The following SLC18A1 variants were observed in gnomAD, a reference collection of about 807,000 sequenced individuals.
The protein encoded by SLC18A1 is solute carrier family 18 member A1.
SLC18A1 carries 69 observed loss-of-function variants against 53.7 expected under a neutral mutation model. The observed-to-expected ratio is 1.28, with a 90% CI of 1.06 to 1.57. The LOEUF is 1.57. Ranked by LOEUF, SLC18A1 falls within the 40% of genes most tolerant of loss-of-function variation. The pLI, the probability that SLC18A1 is intolerant of heterozygous loss-of-function variation, is 0.00. For missense variants in SLC18A1, 932 were observed against 668.1 expected (o/e 1.40, Z -4.35); for synonymous variants, 320 against 248.1 (o/e 1.29, Z -2.72).
rs771437342 is a variant in SLC18A1 at position 20,179,464 on chromosome 8, G to C, written c.145C>G (p.Leu49Val). The C allele has an allele frequency of 6.2e-7, 1 of 1,611,936 alleles. No individual in the cohort carries two copies. Among genetic ancestry groups the C allele is most frequent in the Admixed American group, 1.7e-5 (1 of 59,990 alleles). Residue 49 changes from leucine to valine, a missense_variant, in exon 3 of 16, where the codon CTA becomes GTA. By Grantham distance (32) the Leu-to-Val change is conservative. Coordinates refer to ENST00000276373, the MANE Select transcript of SLC18A1 (RefSeq NM_003053.4). ...TVVVPIVPTF[L>V]YDMEFKEVNS... ...ACTTCTTTGAACTCCATGTCATATA[G>C]GAAGGTGGGCACAATTGGCACTGAA...
intron 10 of SLC18A1, 74 bp downstream of exon 10, chr8:20,164,795 G>A: frequency 1.8e-6 from 2 of 1,109,746 alleles, no homozygotes; most frequent in Non-Finnish European, 2.6e-6. Flanking sequence ...GTCCCTGTGT[G>A]ACATTGAACG....
intron 3 of SLC18A1, 117 bp downstream of exon 3, chr8:20,179,004 C>T: frequency 8.0e-7 from 1 of 1,253,974 alleles, no homozygotes; most frequent in Non-Finnish European, 1.1e-6. Flanking sequence ...ATAGCTGACT[C>T]CCCTGAGGAA....
At position 20,178,483 on chromosome 8, in the gene SLC18A1, G is replaced by T. The variant is rs146326078; in HGVS notation, c.499C>A (p.His167Asn). ...ACAAAGCCAGCAAACATGGGGATAT[G>T]ATATCCAATCCTAAAAGGGAATTGA... ...VGPLTNRIGY[H>N]IPMFAGFVIM... Residue 167 changes from histidine to asparagine, a missense_variant, in exon 4 of 16, where the codon CAT becomes AAT. Coordinates refer to ENST00000276373, the MANE Select transcript of SLC18A1 (RefSeq NM_003053.4). 2 of 1,603,176 alleles carry T rather than the reference G, an allele frequency of 1.2e-6. No homozygotes were observed. Among genetic ancestry groups the T allele is most frequent in the Non-Finnish European group, 1.7e-6 (2 of 1,173,862 alleles).
chr8:20,148,576 G>T (rs2071465644), intron 12 of SLC18A1: 4 of 785,490 alleles, frequency 5.1e-6, no homozygotes, highest in Non-Finnish European at 7.6e-6. Flanking sequence ...AAGCTAGAGG[G>T]GGCAGGTGGT....
At chr8:20,172,778 G>C (rs557733696) in intron 6 of SLC18A1, among the ~76,000 whole-genome samples, 2 of 152,318 alleles carry the variant, frequency 1.3e-5, no homozygotes, top group East Asian at 3.9e-4. Flanking sequence ...TGGGAACCGA[G>C]GCGAAGCAGT....
At chr8:20,154,126 A>G (rs2071625960) in intron 10 of SLC18A1, among the ~76,000 whole-genome samples, 1 of 152,208 alleles carries the variant, frequency 6.6e-6, no homozygotes, top group African/African-American at 2.4e-5. Flanking sequence ...AGCATGTAGA[A>G]CCATAAGCCA....
At chr8:20,157,228 G>A (rs966743124) in intron 10 of SLC18A1, among the ~76,000 whole-genome samples, 6 of 152,096 alleles carry the variant, frequency 3.9e-5, no homozygotes, top group African/African-American at 1.2e-4. Flanking sequence ...AGGCAAAAAC[G>A]CCCCTAAGAT....
intron 10 of SLC18A1, among the ~76,000 whole-genome samples, chr8:20,156,129 T>A (rs1312294346): frequency 1.3e-5 from 2 of 152,138 alleles, no homozygotes; most frequent in Admixed American, 1.3e-4. Flanking sequence ...TTGAGTAAAT[T>A]AAAGGGATGC....
At chr8:20,182,770 A>G (rs937278868) in intron 1 of SLC18A1, among the ~76,000 whole-genome samples, 4 of 152,252 alleles carry the variant, frequency 2.6e-5, no homozygotes, top group African/African-American at 9.6e-5. Flanking sequence ...GCATGCAATT[A>G]CTTAAGATCC....
chr8:20,152,301 G>T (rs569311601), intron 10 of SLC18A1, among the ~76,000 whole-genome samples: 1 of 152,318 alleles, frequency 6.6e-6, no homozygotes, highest in East Asian at 1.9e-4. Context: ...GCTTTGGAAG[G>T]AAATGACATA....
chr8:20,177,229 A>G (rs1220704597), intron 4 of SLC18A1, among the ~76,000 whole-genome samples: 1 of 152,246 alleles, frequency 6.6e-6, no homozygotes, highest in Non-Finnish European at 1.5e-5. Flanking sequence ...CGTAGTTCTC[A>G]GAGACAACCT....
chr8:20,161,079 C>T (rs1033202806), intron 10 of SLC18A1, among the ~76,000 whole-genome samples: 1 of 152,168 alleles, frequency 6.6e-6, no homozygotes, highest in African/African-American at 2.4e-5. Flanking sequence ...TACCCCCGGC[C>T]TCCAAAATTC....
At chr8:20,166,078 A>C (rs372146420) in intron 8 of SLC18A1, among the ~76,000 whole-genome samples, 16 of 152,096 alleles carry the variant, frequency 1.1e-4, no homozygotes, top group African/African-American at 3.9e-4. Context: ...TATACATTTA[A>C]AAGTACAATA....
intron 10 of SLC18A1, among the ~76,000 whole-genome samples, chr8:20,164,149 G>T (rs1211205282): frequency 6.6e-6 from 1 of 152,046 alleles, no homozygotes; most frequent in Non-Finnish European, 1.5e-5. Context: ...CTCTGGCCCC[G>T]TAAGCCTCTC....
At chr8:20,181,353 G>C (rs897198742) in intron 1 of SLC18A1, among the ~76,000 whole-genome samples, 1 of 152,072 alleles carries the variant, frequency 6.6e-6, no homozygotes, top group African/African-American at 2.4e-5. Flanking sequence ...TCAAACATCC[G>C]ACATTTATTT....
intron 10 of SLC18A1, among the ~76,000 whole-genome samples, chr8:20,159,634 CAAAAAAAAA>C (rs200123466): frequency 7.5e-4 from 61 of 81,522 alleles, no homozygotes; most frequent in East Asian, 4.4e-3. Flanking sequence ...TTGCAGCTGC[CAAAAAAAAA>C]AAAAAAAAAA....
intron 8 of SLC18A1, among the ~76,000 whole-genome samples, chr8:20,165,334 C>T (rs1280327610): frequency 1.3e-5 from 2 of 152,078 alleles, no homozygotes; most frequent in African/African-American, 4.8e-5. Flanking sequence ...CTGTAATAGT[C>T]ACAGATAGAG....
chr8:20,163,671 C>T (rs1390137520), intron 10 of SLC18A1, among the ~76,000 whole-genome samples: 1 of 152,170 alleles, frequency 6.6e-6, no homozygotes, highest in Non-Finnish European at 1.5e-5. Context: ...GGGATGAAAA[C>T]TTGTTTTGAC....
chr8:20,180,107 A>C (rs1585230602), intron 2 of SLC18A1, among the ~76,000 whole-genome samples: 1 of 62,642 alleles, frequency 1.6e-5, no homozygotes. Context: ...TAAGATTATA[A>C]TTGTGTGTGT....
Sources: allele counts gnomAD v4.1 joint callset (sites outside exome capture counted in the v4.1 genomes callset), GRCh38; gene constraint gnomAD v4.1.1; transcripts MANE v1.5; gene names NCBI Gene and HGNC (gene_info 2026-07-23, HGNC 2026-07-21).